Variants in WDR20 observed in about 807,000 individuals in gnomAD.
WDR20 encodes the protein WD repeat-containing protein 20.
WDR20 carries 3 observed loss-of-function variants against 38.7 expected under a neutral mutation model. The observed-to-expected ratio is 0.08, with a 90% CI of 0.04 to 0.20. The LOEUF (loss-of-function observed/expected upper bound fraction) is 0.20, where lower values mean the gene tolerates loss of function less well. Ranked by LOEUF, WDR20 falls within the 10% of genes least tolerant of loss-of-function variation. The pLI is 1.00. For synonymous variants in WDR20, 298 were observed against 285.6 expected (o/e 1.04, Z -0.44); for missense variants, 559 against 727.7 (o/e 0.77, Z 2.67).
At chr14:102,202,656 A>G (rs986046976) in intron 2 of WDR20, among the ~76,000 whole-genome samples, 3 of 152,038 alleles carry the variant, frequency 2.0e-5, no homozygotes, top group African/African-American at 7.2e-5. Flanking sequence ...CTGGGATTAC[A>G]GGTGTGAGCC....
chr14:102,145,067 A>G (rs1487095531), intron 1 of WDR20, among the ~76,000 whole-genome samples: 1 of 152,188 alleles, frequency 6.6e-6, no homozygotes, highest in African/African-American at 2.4e-5. Context: ...TGCCTTCTAT[A>G]AAACAAAGCT....
chr14:102,189,559 G>A (rs940239290), intron 1 of WDR20, among the ~76,000 whole-genome samples: 5 of 152,124 alleles, frequency 3.3e-5, no homozygotes, highest in African/African-American at 9.7e-5. Context: ...CCAAATACCC[G>A]ATTCTTAAAA....
intron 1 of WDR20, among the ~76,000 whole-genome samples, chr14:102,155,463 T>C (rs2057152293): frequency 6.6e-6 from 1 of 152,084 alleles, no homozygotes; most frequent in African/African-American, 2.4e-5. Context: ...GAGAGATTAC[T>C]GGGAGAGCAG....
chr14:102,206,358 A>G (rs2061541956), intron 2 of WDR20, among the ~76,000 whole-genome samples: 1 of 152,160 alleles, frequency 6.6e-6, no homozygotes, highest in South Asian at 2.1e-4. Context: ...TTTATTTTTA[A>G]TGGTGCTATA....
intron 1 of WDR20, among the ~76,000 whole-genome samples, chr14:102,164,239 T>A (rs540916341): frequency 6.6e-6 from 1 of 152,154 alleles, no homozygotes; most frequent in Non-Finnish European, 1.5e-5. Context: ...CATGGCCATA[T>A]ATTGACTTCC....
At chr14:102,191,514 T>C (rs12887554) in intron 1 of WDR20, 15,720 of 152,260 alleles carry the variant, frequency 0.1, 860 homozygotes, top group African/African-American at 0.15. Context: ...GGGAGACGGT[T>C]GTGCTTGGAC....
At chr14:102,202,876 T>A (rs1596839034) in intron 2 of WDR20, among the ~76,000 whole-genome samples, 1 of 152,180 alleles carries the variant, frequency 6.6e-6, no homozygotes, top group Non-Finnish European at 1.5e-5. Context: ...ATGTTACTAT[T>A]CGCAGCCAAT....
chr14:102,212,840 CGTT>C, downstream of WDR20: 1 of 1,299,126 alleles, frequency 7.7e-7, no homozygotes, highest in Non-Finnish European at 9.8e-7. Context: ...TCAGCCTAAA[CGTT>C]ATTATGAGCA....
intron 1 of WDR20, among the ~76,000 whole-genome samples, chr14:102,178,374 A>G (rs2062620861): frequency 6.9e-6 from 1 of 144,140 alleles, no homozygotes; most frequent in South Asian, 2.3e-4. Flanking sequence ...CCTGGGCTAC[A>G]GAGTGCGACT....
intron 1 of WDR20, among the ~76,000 whole-genome samples, chr14:102,152,652 T>C (rs1252322892): frequency 6.6e-6 from 1 of 152,146 alleles, no homozygotes; most frequent in African/African-American, 2.4e-5. Flanking sequence ...TGCCCTCATA[T>C]GATCCACCTG....
At chr14:102,165,211 C>A (rs1441964863) in intron 1 of WDR20, among the ~76,000 whole-genome samples, 2 of 152,164 alleles carry the variant, frequency 1.3e-5, no homozygotes, top group African/African-American at 4.8e-5. Context: ...GTGGCTCTCC[C>A]TCCTCAGCTC....
intron 1 of WDR20, among the ~76,000 whole-genome samples, chr14:102,169,630 T>G (rs1042612147): frequency 6.6e-6 from 1 of 152,086 alleles, no homozygotes; most frequent in Non-Finnish European, 1.5e-5. Context: ...CGGGTTCAAG[T>G]GGTCCTCCTG....
In WDR20 at chr14:102,161,142, A is replaced by ATT. The variant is rs1233679287; in HGVS notation, c.249+20995_249+20996dup. 1.3e-3 allele frequency among the ~76,000 whole-genome samples: 21 copies of ATT among 16,050 alleles called. 4 individuals are homozygous for ATT. Among genetic ancestry groups the ATT allele is most frequent in the African/African-American group, 2.6e-3 (8 of 3,132 alleles). The allele number at this position is 16,050 out of a possible 152,430, so 10.5% of individuals were successfully genotyped here. A position where few individuals can be genotyped will look rare whatever the true frequency, so the allele number is the denominator to read the frequency against. ...ACTGCATATATATATATATATATATATTTTTTTTTTTTTTTTTTTTTTTTT... is the reference window on the plus strand; with the variant it reads ...ACTGCATATATATATATATATATATATTTTTTTTTTTTTTTTTTTTTTTTTTT... On this transcript the variant is annotated intron_variant, in intron 1 of 2. Coordinates refer to ENST00000342702, the MANE Select transcript of WDR20 (RefSeq NM_144574.4).
chr14:102,195,043 C>T lies in WDR20; in HGVS notation c.355C>T (p.Leu119=). Residue 119 remains leucine, a synonymous_variant, in exon 2 of 3, where the codon CTA becomes TTA. Transcript: ENST00000342702. ...AGCCACAGCAGAAAGTGTCTCTCTC[C>T]TAGTGGGCTTTTCCGCAGGCCAAGT... ...LTATAESVSL[L]VGFSAGQVQL... The T allele has an allele frequency of 6.2e-7, 1 of 1,614,248 alleles. No individual in the cohort carries two copies. The highest frequency in any genetic ancestry group is 8.5e-7 in the Non-Finnish European group (1 of 1,180,044).
chr14:102,221,515 G>A lies in WDR20; in HGVS notation c.1693-1315G>A, dbSNP rs138217547. Among the ~76,000 whole-genome samples the A allele has an allele frequency of 1.1e-3, 161 of 152,272 alleles. No individual in the cohort carries two copies. Among genetic ancestry groups the A allele is most frequent in the Admixed American group, 5.8e-3 (88 of 15,300 alleles). ...TGAGCCAGAAGTATGGGGCGTTTGC[G>A]GGGTCCTCCACAAGTACAAACAGGG... On this transcript the variant is annotated intron_variant, in intron 3 of 3. Transcript: ENST00000335263. The surrounding 1 kb of genome is among the most constrained non-coding windows in gnomAD (Gnocchi z 4.8).
At chr14:102,174,874 TC>T in intron 1 of WDR20, among the ~76,000 whole-genome samples, 1 of 152,340 alleles carries the variant, frequency 6.6e-6, no homozygotes, top group South Asian at 2.1e-4. Context: ...TCTATTCATG[TC>T]CTTAGCCCAC....
At chr14:102,219,460 G>T (rs2063630097), downstream of WDR20, among the ~76,000 whole-genome samples, 1 of 152,256 alleles carries the variant, frequency 6.6e-6, no homozygotes, top group African/African-American at 2.4e-5. Context: ...GGCCACAGCA[G>T]GCCCAGCACA....
At chr14:102,160,482 G>A (rs1463769991) in intron 1 of WDR20, among the ~76,000 whole-genome samples, 1 of 151,970 alleles carries the variant, frequency 6.6e-6, no homozygotes, top group Non-Finnish European at 1.5e-5. Flanking sequence ...ACTGTGTATG[G>A]TATTTTACAT....
intron 2 of WDR20, among the ~76,000 whole-genome samples, chr14:102,205,247 C>T (rs552399939): frequency 1.4e-5 from 2 of 146,674 alleles, no homozygotes; most frequent in South Asian, 2.1e-4. Context: ...AGTGATGGAG[C>T]GAGACCCTGT....
Sources: allele counts gnomAD v4.1 joint callset (sites outside exome capture counted in the v4.1 genomes callset), GRCh38; gene constraint gnomAD v4.1.1; non-coding constraint Gnocchi (gnomAD v3.1); transcripts MANE v1.5; gene names NCBI Gene and HGNC (gene_info 2026-07-23, HGNC 2026-07-21).